Variants in CRYBG1 observed in about 807,000 individuals in gnomAD.
CRYBG1 encodes the protein beta/gamma crystallin domain-containing protein 1.
In CRYBG1, 139 loss-of-function variants were observed where a neutral mutation model predicts 189.2. The ratio of observed to expected loss-of-function variants is 0.73; its 90% CI spans 0.64 to 0.85. The LOEUF (loss-of-function observed/expected upper bound fraction) is 0.85. Ranked by LOEUF, CRYBG1 falls within the 40% of genes least tolerant of loss-of-function variation. CRYBG1 has a pLI of 0.00. For missense variants in CRYBG1, 2,611 were observed against 2,675.8 expected (o/e 0.98, Z 0.53); for synonymous variants, 1,023 against 1,017.1 (o/e 1.01, Z -0.11).
At chr6:106,438,505 G>GTTCTCGTT (rs1771508530) in intron 1 of CRYBG1, among the ~76,000 whole-genome samples, 1 of 152,094 alleles carries the variant, frequency 6.6e-6, no homozygotes, top group Non-Finnish European at 1.5e-5. Flanking sequence ...CATGGCTGCT[G>GTTCTCGTT]GCAATCCTTG....
intron 1 of CRYBG1, among the ~76,000 whole-genome samples, chr6:106,388,294 G>C (rs1437434677): frequency 6.6e-6 from 1 of 152,084 alleles, no homozygotes; most frequent in Non-Finnish European, 1.5e-5. Context: ...AAATTTTCTA[G>C]GTCCTGAACT....
chr6:106,387,457 C>T lies in CRYBG1; in HGVS notation c.173+26376C>T, dbSNP rs1029849544. On this transcript the variant is annotated intron_variant, in intron 1 of 21. Transcript: ENST00000633556. Reference sequence around the variant, plus strand: ...CTGTACGTCCCTCTATACTCACAGCCGATTCCTACAGGCACCATTGCTCCT... The same window carrying T: ...CTGTACGTCCCTCTATACTCACAGCTGATTCCTACAGGCACCATTGCTCCT... 3.9e-5 allele frequency among the ~76,000 whole-genome samples: 6 copies of T among 152,182 alleles called. No individual in the cohort carries two copies. The South Asian group carries it at 6.2e-4, about 16-fold the overall frequency.
At chr6:106,421,367 C>T (rs1771119243) in intron 1 of CRYBG1, among the ~76,000 whole-genome samples, 1 of 152,100 alleles carries the variant, frequency 6.6e-6, no homozygotes, top group African/African-American at 2.4e-5. Flanking sequence ...GATGCATTAC[C>T]CTTGCCATGC....
chr6:106,365,048 A>G (rs1176441799), intron 1 of CRYBG1, among the ~76,000 whole-genome samples: 1 of 152,180 alleles, frequency 6.6e-6, no homozygotes, highest in East Asian at 1.9e-4. Context: ...TTTCTGCTAT[A>G]TAATGAAAGT....
intron 1 of CRYBG1, among the ~76,000 whole-genome samples, chr6:106,436,400 T>G (rs9400003): frequency 0.15 from 22,219 of 151,098 alleles, 1,702 homozygotes; most frequent in African/African-American, 0.16. Context: ...CCGGGTTCAC[T>G]CCATTCTCCT....
In CRYBG1 at chr6:106,512,856, C is replaced by G. The variant is rs764164042; in HGVS notation, c.1739C>G (p.Pro580Arg). ...ELPVKSSSLL[P>R]EIKPEHKRGP... is the part of the protein sequence containing the mutation. ...CCGGTCAAGAGCAGCTCGCTGCTGCCGGAGATCAAGCCCGAGCACAAGAGG... is the reference window on the plus strand; with the variant it reads ...CCGGTCAAGAGCAGCTCGCTGCTGCGGGAGATCAAGCCCGAGCACAAGAGG... Residue 580 changes from proline to arginine, a missense_variant, in exon 3 of 22, where the codon CCG becomes CGG. By Grantham distance (103) the Pro-to-Arg change is moderately radical (BLOSUM62 -2). Transcript: ENST00000633556. 11 of 1,586,940 alleles carry G rather than the reference C, an allele frequency of 6.9e-6. No homozygotes were observed. The highest frequency in any genetic ancestry group is 9.4e-6 in the Non-Finnish European group (11 of 1,166,966).
Position 106,375,412 on chromosome 6 carries a change from AGT to A in CRYBG1, c.173+14332_173+14333del, listed in dbSNP as rs1491443868. Among the ~76,000 whole-genome samples, 773 of 138,098 alleles carry A rather than the reference AGT, an allele frequency of 5.6e-3. 7 individuals are homozygous for A. Among genetic ancestry groups the A allele is most frequent in the African/African-American group, 0.022 (733 of 33,878 alleles). 90.6% of individuals were successfully genotyped at this position (138,098 alleles called of 152,430 possible). On this transcript the variant is annotated intron_variant, in intron 1 of 21. Transcript: ENST00000633556. Reference sequence around the variant, plus strand: ...AAGTAAGTAAGTAAGTAAGTAAGTAAGTAAGTAAGTAAATAAATAAATAAATA... The same window carrying A: ...AAGTAAGTAAGTAAGTAAGTAAGTAAAAGTAAGTAAATAAATAAATAAATA...
intron 2 of CRYBG1, among the ~76,000 whole-genome samples, chr6:106,490,639 C>T (rs1402863208): frequency 6.6e-6 from 1 of 152,150 alleles, no homozygotes; most frequent in Non-Finnish European, 1.5e-5. Flanking sequence ...ACATCAGGTG[C>T]TGGCAATTTT....
chr6:106,517,149 C>T (rs1199101619), intron 3 of CRYBG1, among the ~76,000 whole-genome samples: 1 of 150,796 alleles, frequency 6.6e-6, no homozygotes, highest in African/African-American at 2.4e-5. Context: ...GCTGGGACTA[C>T]AGGCACGCAC....
intron 1 of CRYBG1, among the ~76,000 whole-genome samples, chr6:106,407,918 G>A (rs1562298484): frequency 6.6e-6 from 1 of 152,126 alleles, no homozygotes; most frequent in Non-Finnish European, 1.5e-5. Context: ...ACAAGAGAAA[G>A]CAAGAAAGAT....
chr6:106,476,813 A>T (rs1380789201), intron 2 of CRYBG1, among the ~76,000 whole-genome samples: 1 of 152,204 alleles, frequency 6.6e-6, no homozygotes, highest in Non-Finnish European at 1.5e-5. Flanking sequence ...ACTAAGAAAG[A>T]CTATGGCAAA....
intron 1 of CRYBG1, among the ~76,000 whole-genome samples, chr6:106,406,893 A>G (rs531191190): frequency 2.6e-5 from 4 of 152,246 alleles, no homozygotes; most frequent in Non-Finnish European, 4.4e-5. Context: ...AGCACTAAAT[A>G]TGGAAAAGAA....
intron 1 of CRYBG1, among the ~76,000 whole-genome samples, chr6:106,385,347 G>A (rs374086673): frequency 6.6e-6 from 1 of 152,162 alleles, no homozygotes; most frequent in African/African-American, 2.4e-5. Flanking sequence ...GTTAAGTTCA[G>A]GTGACAGTTT....
At chr6:106,362,956 A>T (rs1286769776) in intron 1 of CRYBG1, among the ~76,000 whole-genome samples, 1 of 152,180 alleles carries the variant, frequency 6.6e-6, no homozygotes, top group African/African-American at 2.4e-5. Flanking sequence ...ATAAAATTTA[A>T]AATAGGAGGC....
chr6:106,549,694 G>A (rs934204917), intron 13 of CRYBG1, among the ~76,000 whole-genome samples: 1 of 152,180 alleles, frequency 6.6e-6, no homozygotes, highest in Non-Finnish European at 1.5e-5. Flanking sequence ...AGACTGAGTG[G>A]TGCATATAGC....
At chr6:106,513,775 A>G (rs1464350412) in intron 3 of CRYBG1, among the ~76,000 whole-genome samples, 1 of 152,224 alleles carries the variant, frequency 6.6e-6, no homozygotes, top group Admixed American at 6.5e-5. Context: ...TATTGGCCTA[A>G]GCCTTTTTCA....
intron 20 of CRYBG1, 26 bp downstream of exon 20, chr6:106,561,526 C>T (rs576101429): frequency 1.3e-6 from 2 of 1,596,082 alleles, no homozygotes; most frequent in South Asian, 1.1e-5. Context: ...CCACGGGGGC[C>T]TGTGATGGCT....
chr6:106,553,551 A>G lies in CRYBG1; in HGVS notation c.5569A>G (p.Arg1857Gly). The stretch of plus-strand genomic sequence containing the variant: ...TGATTCATTTTCTACCAAGTCTTGC[A>G]GAGTTTCAGGAGGCAGGTAAGTGAA... ...IDDSFSTKSC[R>G]VSGGSWVVYD... The change falls in exon 16 of 22, where the codon AGA becomes GGA. Residue 1857 changes from arginine to glycine, a missense_variant. Physicochemically the swap from Arg to Gly is moderately radical, Grantham distance 125. This residue lies in a region of CRYBG1 where 1,622 missense variants were observed against 1,735.0 expected (regional missense o/e 0.93). Transcript: ENST00000633556. 1 of 1,612,660 alleles carries G rather than the reference A, an allele frequency of 6.2e-7. No homozygotes were observed. Among genetic ancestry groups the G allele is most frequent in the Non-Finnish European group, 8.5e-7 (1 of 1,178,642 alleles).
chr6:106,457,410 C>T (rs1055136842), intron 2 of CRYBG1, among the ~76,000 whole-genome samples: 1 of 152,180 alleles, frequency 6.6e-6, no homozygotes, highest in Non-Finnish European at 1.5e-5. Flanking sequence ...GGGCAGAGTC[C>T]TCATGACCCA....
Sources: gnomAD v4.1 joint callset for allele counts (sites outside exome capture counted in the v4.1 genomes callset) on GRCh38, gnomAD v4.1.1 for gene constraint, gnomAD v4.1.1 regional missense constraint, MANE v1.5 for transcripts, NCBI Gene and HGNC (gene_info 2026-07-23, HGNC 2026-07-21) for gene names.